Variants in PLEKHA7 observed in about 807,000 individuals in gnomAD.
The protein encoded by PLEKHA7 is pleckstrin homology domain-containing family A member 7.
A neutral mutation model predicts 170.0 loss-of-function variants in PLEKHA7; 104 were observed. That is an observed-to-expected ratio of 0.61 (90% CI 0.52 to 0.72). The LOEUF (loss-of-function observed/expected upper bound fraction) is 0.72, where lower values mean the gene tolerates loss of function less well. PLEKHA7 is among the 30% of genes least tolerant of loss of function. The pLI, the probability that PLEKHA7 is intolerant of heterozygous loss-of-function variation, is 0.00. For missense variants in PLEKHA7, 1,615 were observed against 1,671.7 expected (o/e 0.97, Z 0.59); for synonymous variants, 648 against 660.8 (o/e 0.98, Z 0.30).
Position 16,783,710 on chromosome 11 carries a change from C to T in PLEKHA7, c.3640G>A (p.Ala1214Thr), listed in dbSNP as rs529492764. Residue 1214 changes from alanine to threonine, a missense_variant, in exon 25 of 27, where the codon GCC becomes ACC. Physicochemically the swap from Ala to Thr is moderately conservative, Grantham distance 58. Coordinates refer to ENST00000531066, the MANE Select transcript of PLEKHA7 (RefSeq NM_001329630.2). ...CAAGCGAGGGCTGACCTTGACCGGG[C>T]GAGGATGTTGCGGATCTTCTCGGCT... ...RKAEKIRNIL[A>T]RSSMCNLQPT... is the part of the protein sequence containing the mutation. 59 of 1,466,558 alleles carry T rather than the reference C, an allele frequency of 4.0e-5. No individual in the cohort carries two copies. The African/African-American group carries it at 5.4e-4, about 13-fold the overall frequency. The allele number at this position is 1,466,558 out of a possible 1,614,324, so 90.8% of individuals were successfully genotyped here.
intron 3 of PLEKHA7, among the ~76,000 whole-genome samples, chr11:16,958,656 G>A (rs996949668): frequency 3.3e-5 from 5 of 152,192 alleles, no homozygotes; most frequent in African/African-American, 7.2e-5. Flanking sequence ...TTCTGCAAGT[G>A]CAAGATATAC....
intron 17 of PLEKHA7, among the ~76,000 whole-genome samples, chr11:16,799,493 G>T (rs1218882212): frequency 1.3e-5 from 2 of 152,040 alleles, no homozygotes; most frequent in African/African-American, 4.8e-5. Context: ...TCAAAGACAC[G>T]TATTCATGTA....
chr11:16,789,639 G>T lies in PLEKHA7; in HGVS notation c.3156+136C>A. On this transcript the variant is annotated intron_variant, in intron 22 of 26. Coordinates refer to ENST00000531066, the MANE Select transcript of PLEKHA7 (RefSeq NM_001329630.2). This position sits in a 1 kb window ranked among gnomAD's most constrained non-coding sequence, Gnocchi z 4.6. The stretch of plus-strand genomic sequence containing the variant: ...CTCCTTGGTGGACAGTGGGTGACAG[G>T]GAGCTCAGGAGGGGCTGAGGCCACC... 1 of 705,560 alleles carries T rather than the reference G, an allele frequency of 1.4e-6. No homozygotes were observed. The allele number at this position is 705,560 out of a possible 1,614,324, so 43.7% of individuals were successfully genotyped here.
chr11:16,843,652 G>A (rs1037058970), intron 8 of PLEKHA7, among the ~76,000 whole-genome samples: 3 of 152,108 alleles, frequency 2.0e-5, no homozygotes, highest in African/African-American at 7.2e-5. Context: ...AATAAGAACA[G>A]AATAAGGCCA....
At chr11:16,826,648 C>T in intron 9 of PLEKHA7, 58 bp from the exon 10 acceptor site, 1 of 1,447,642 alleles carries the variant, frequency 6.9e-7, no homozygotes, top group Admixed American at 1.7e-5. Context: ...TGATGAAATG[C>T]ACTGTACACT....
intron 23 of PLEKHA7, chr11:16,787,331 T>G (rs1219999763): frequency 1.4e-6 from 1 of 697,982 alleles, no homozygotes; most frequent in Admixed American, 6.3e-5. Context: ...TGATTGTCTT[T>G]GATGCCTCAA....
chr11:16,785,789 G>GC (rs761491874), intron 24 of PLEKHA7, among the ~76,000 whole-genome samples: 1 of 152,084 alleles, frequency 6.6e-6, no homozygotes, highest in African/African-American at 2.4e-5. Flanking sequence ...TTTCAAACCT[G>GC]CCCCCCATTT....
intron 3 of PLEKHA7, among the ~76,000 whole-genome samples, chr11:16,901,714 C>CA (rs1407793586): frequency 6.6e-6 from 1 of 151,930 alleles, no homozygotes; most frequent in African/African-American, 2.4e-5. Flanking sequence ...ACAAAAAATA[C>CA]AAAAAAATTA....
intron 3 of PLEKHA7, among the ~76,000 whole-genome samples, chr11:16,979,738 C>T (rs1863302627): frequency 1.3e-5 from 2 of 152,262 alleles, no homozygotes; most frequent in Non-Finnish European, 2.9e-5. Context: ...CATATTTCCT[C>T]CTTCTTTCAC....
rs943642266 is a variant in PLEKHA7 at position 16,788,964 on chromosome 11, G to A, written c.3357+132C>T. The A allele has an allele frequency of 7.7e-5, 89 of 1,150,432 alleles. 1 individual carries two copies. In the South Asian group the frequency reaches 1.3e-3, roughly 17 times the overall value. 71.3% of individuals were successfully genotyped at this position (1,150,432 alleles called of 1,614,324 possible). A position where few individuals can be genotyped will look rare whatever the true frequency, so the allele number is the denominator to read the frequency against. On this transcript the variant is annotated intron_variant, in intron 23 of 26. Coordinates refer to ENST00000531066, the MANE Select transcript of PLEKHA7 (RefSeq NM_001329630.2). ...TGGGTCGTGGACAAACAGCCCCGTG[G>A]GGTGTTCTCTGAACCATGTAGGTCA... is the stretch of plus-strand genomic sequence containing the variant.
intron 3 of PLEKHA7, among the ~76,000 whole-genome samples, chr11:17,011,731 G>T (rs1387662799): frequency 6.6e-6 from 1 of 152,036 alleles, no homozygotes. Flanking sequence ...CTAATCCCAT[G>T]GCCTTGAATA....
chr11:16,917,992 C>G (rs1858817981), intron 3 of PLEKHA7, among the ~76,000 whole-genome samples: 1 of 152,224 alleles, frequency 6.6e-6, no homozygotes, highest in Admixed American at 6.5e-5. Context: ...CTATAACCTA[C>G]AGCTCCAGGT....
chr11:17,009,192 T>C (rs1865181304), intron 3 of PLEKHA7, among the ~76,000 whole-genome samples: 1 of 152,192 alleles, frequency 6.6e-6, no homozygotes, highest in Non-Finnish European at 1.5e-5. Context: ...CAAAGACCTA[T>C]GTTCCAGTCC....
chr11:16,866,774 GCTCATGTCC>G (rs1854431629), intron 4 of PLEKHA7, among the ~76,000 whole-genome samples: 1 of 152,144 alleles, frequency 6.6e-6, no homozygotes, highest in Non-Finnish European at 1.5e-5. Flanking sequence ...AACACTCAGA[GCTCATGTCC>G]TCTGGCCCCA....
At chr11:16,894,223 A>G (rs1319951630) in intron 3 of PLEKHA7, among the ~76,000 whole-genome samples, 2 of 152,204 alleles carry the variant, frequency 1.3e-5, no homozygotes, top group African/African-American at 2.4e-5. Context: ...TGGACATCTA[A>G]TCAGGGAGGG....
At chr11:16,947,135 C>T (rs1331789734) in intron 3 of PLEKHA7, among the ~76,000 whole-genome samples, 1 of 152,152 alleles carries the variant, frequency 6.6e-6, no homozygotes, top group African/African-American at 2.4e-5. Flanking sequence ...GTTGTACAAT[C>T]ACACCTGAAA....
At chr11:16,928,194 G>A (rs936139858) in intron 3 of PLEKHA7, among the ~76,000 whole-genome samples, 2 of 152,150 alleles carry the variant, frequency 1.3e-5, no homozygotes, top group Non-Finnish European at 2.9e-5. Flanking sequence ...TGTAATCCTA[G>A]CACTTTGGGC....
At chr11:16,985,331 C>T (rs1268900479) in intron 3 of PLEKHA7, among the ~76,000 whole-genome samples, 1 of 152,188 alleles carries the variant, frequency 6.6e-6, no homozygotes, top group Non-Finnish European at 1.5e-5. Flanking sequence ...GCAGAAATTC[C>T]AAGTACACTT....
At position 16,777,332 on chromosome 11, in the gene PLEKHA7, T is replaced by C. The variant is rs1359098807; in HGVS notation, c.*1666A>G. 3 of 152,222 alleles carry C rather than the reference T, an allele frequency of 2.0e-5. No individual in the cohort carries two copies. The highest frequency in any genetic ancestry group is 4.4e-5 in the Non-Finnish European group (3 of 68,038). 9.4% of individuals were successfully genotyped at this position (152,222 alleles called of 1,614,324 possible). A position where few individuals can be genotyped will look rare whatever the true frequency, so the allele number is the denominator to read the frequency against. ...ATTTTAATCTGTACATCACATTTTT[T>C]TTGCAAACCATTACATTTTTAAATT... is the stretch of plus-strand genomic sequence containing the variant. On this transcript the variant is annotated 3_prime_UTR_variant, in exon 27 of 27. Coordinates refer to ENST00000531066, the MANE Select transcript of PLEKHA7 (RefSeq NM_001329630.2).
Sources: gnomAD v4.1 joint callset for allele counts (sites outside exome capture counted in the v4.1 genomes callset) on GRCh38, gnomAD v4.1.1 for gene constraint, Gnocchi (gnomAD v3.1) non-coding constraint, MANE v1.5 for transcripts, NCBI Gene and HGNC (gene_info 2026-07-23, HGNC 2026-07-21) for gene names.